Variants in EAF1 observed in about 807,000 individuals in gnomAD.
EAF1 encodes ELL-associated factor 1.
A neutral mutation model predicts 26.6 loss-of-function variants in EAF1; 19 were observed. That is an observed-to-expected ratio of 0.71 (90% confidence interval 0.50 to 1.05). The LOEUF is 1.05. EAF1 is among the 50% of genes least tolerant of loss of function. The probability of loss-of-function intolerance (pLI) is 0.00; values close to 1 mark genes in which losing one functional copy is unlikely to be tolerated. For synonymous variants in EAF1, 102 were observed against 120.6 expected (o/e 0.85, Z 1.01); for missense variants, 260 against 335.5 (o/e 0.78, Z 1.76).
At position 15,427,803 on chromosome 3, in the gene EAF1, G is replaced by C. The variant is rs1449919047; in HGVS notation, c.24G>C (p.Leu8=). 1 of 1,551,324 alleles carries C rather than the reference G, an allele frequency of 6.4e-7. No individual in the cohort carries two copies. Among genetic ancestry groups the C allele is most frequent in the Non-Finnish European group, 8.7e-7 (1 of 1,146,902 alleles). Residue 8 remains leucine, a synonymous_variant, in exon 1 of 6, where the codon CTG becomes CTC. Coordinates refer to ENST00000396842, the MANE Select transcript of EAF1 (RefSeq NM_033083.7). MNGTANP[L]LDREEHCLRL... ...CCATGAATGGGACCGCAAACCCGCT[G>C]CTGGACCGCGAGGAACATTGCCTGA...
At chr3:15,428,468 GT>G (rs893417038) in intron 1 of EAF1, among the ~76,000 whole-genome samples, 2 of 152,108 alleles carry the variant, frequency 1.3e-5, no homozygotes, top group Non-Finnish European at 2.9e-5. Flanking sequence ...TCTCCTTTCT[GT>G]GCTTCATTTG....
chr3:15,442,485 T>G lies in EAF1; in HGVS notation c.*3330T>G, dbSNP rs919475507. ...ATTTTTAAAATCTTGTGCCTAAAAG[T>G]TTTTTTGCTTAATTATGAAGTAGAC... On this transcript the variant is annotated 3_prime_UTR_variant, in exon 6 of 6. Transcript: ENST00000396842. 6.0e-5 allele frequency: 9 copies of G among 150,720 alleles called. No individual in the cohort carries two copies. The highest frequency in any genetic ancestry group is 3.4e-3 in the Middle Eastern group (1 of 294). 9.3% of individuals were successfully genotyped at this position (150,720 alleles called of 1,614,324 possible). A position where few individuals can be genotyped will look rare whatever the true frequency, so the allele number is the denominator to read the frequency against.
Position 15,432,081 on chromosome 3 carries a change from A to G in EAF1, c.199-6A>G. 1 of 1,612,900 alleles carries G rather than the reference A, an allele frequency of 6.2e-7. No homozygotes were observed. The highest frequency in any genetic ancestry group is 8.5e-7 in the Non-Finnish European group (1 of 1,179,626). ...TTTGATCATCTTATACTTTTGTGGC[A>G]AATAGGGATCCACACCACCCATGAC... is the stretch of plus-strand genomic sequence containing the variant. On this transcript the variant is annotated splice_polypyrimidine_tract_variant and splice_region_variant and intron_variant, in intron 2 of 5. Transcript: ENST00000396842.
rs141622979 is a variant in EAF1 at position 15,429,752 on chromosome 3, G to C, written c.104-161G>C. Among the ~76,000 whole-genome samples the C allele has an allele frequency of 2.5e-3, 383 of 152,296 alleles. 2 individuals are homozygous for C. The highest frequency in any genetic ancestry group is 8.4e-3 in the African/African-American group (351 of 41,560). On this transcript the variant is annotated intron_variant, in intron 1 of 5. Coordinates refer to ENST00000396842, the MANE Select transcript of EAF1 (RefSeq NM_033083.7). The stretch of plus-strand genomic sequence containing the variant: ...ATTGTACGATTCTCTCTACTTTTGT[G>C]TATCTGAAGTTTTCCATAACGAAAC...
chr3:15,437,787 C>A lies in EAF1; in HGVS notation c.760+1212C>A, dbSNP rs2061844130. Among the ~76,000 whole-genome samples the A allele has an allele frequency of 1.3e-5, 2 of 152,014 alleles. 1 individual carries two copies. Among genetic ancestry groups the A allele is most frequent in the Admixed American group, 1.3e-4 (2 of 15,258 alleles). On this transcript the variant is annotated intron_variant, in intron 5 of 5. Transcript: ENST00000396842. Reference sequence around the variant, plus strand: ...AGTGGGGAAGTTAACCTAGTTAATCCAACTATTGTGGACCAGGCAGAGATA... The same window carrying A: ...AGTGGGGAAGTTAACCTAGTTAATCAAACTATTGTGGACCAGGCAGAGATA...
rs2061857570 is a variant in EAF1, at chr3:15,440,248, CACT to C, written c.*1094_*1096del. Reference sequence around the variant, plus strand: ...GGCGTATCTATTCATGCTTTTGTACCACTGTTTTGTACCTGACTCCCTGACCGA... The same window carrying C: ...GGCGTATCTATTCATGCTTTTGTACCGTTTTGTACCTGACTCCCTGACCGA... On this transcript the variant is annotated 3_prime_UTR_variant, in exon 6 of 6. Coordinates refer to ENST00000396842, the MANE Select transcript of EAF1 (RefSeq NM_033083.7). 1 of 152,072 alleles carries C rather than the reference CACT, an allele frequency of 6.6e-6. No homozygotes were observed. The highest frequency in any genetic ancestry group is 6.6e-5 in the Admixed American group (1 of 15,264). 9.4% of individuals were successfully genotyped at this position (152,072 alleles called of 1,614,324 possible).
chr3:15,433,007 G>A (rs2061811213), intron 3 of EAF1: 1 of 150,876 alleles, frequency 6.6e-6, no homozygotes, highest in Non-Finnish European at 1.5e-5. Flanking sequence ...TTTATTGAGG[G>A]GGTATCATGT....
Position 15,442,362 on chromosome 3 carries a change from A to G in EAF1, c.*3207A>G, listed in dbSNP as rs957124162. 2 of 152,590 alleles carry G rather than the reference A, an allele frequency of 1.3e-5. No individual in the cohort carries two copies. Among genetic ancestry groups the G allele is most frequent in the Admixed American group, 1.3e-4 (2 of 15,272 alleles). 9.5% of individuals were successfully genotyped at this position (152,590 alleles called of 1,614,324 possible). On this transcript the variant is annotated 3_prime_UTR_variant, in exon 6 of 6. Coordinates refer to ENST00000396842, the MANE Select transcript of EAF1 (RefSeq NM_033083.7). ...GTAGGATTTCTGAAACTCAGGCCTT[A>G]ACCAATAGGTTGGAAGACAAGACCA... is the stretch of plus-strand genomic sequence containing the variant.
rs903760619 is a variant in EAF1 at position 15,439,807 on chromosome 3, T to C, written c.*652T>C. Reference sequence around the variant, plus strand: ...GTACACACCTGGCTTGTGGCCAGTCTCCTGCCCCCTCTCTGGGCTTTCCTC... The same window carrying C: ...GTACACACCTGGCTTGTGGCCAGTCCCCTGCCCCCTCTCTGGGCTTTCCTC... On this transcript the variant is annotated 3_prime_UTR_variant, in exon 6 of 6. Transcript: ENST00000396842. The C allele has an allele frequency of 6.6e-6, 1 of 152,282 alleles. No homozygotes were observed. Among genetic ancestry groups the C allele is most frequent in the Non-Finnish European group, 1.5e-5 (1 of 68,094 alleles). The allele number at this position is 152,282 out of a possible 1,614,324, so 9.4% of individuals were successfully genotyped here. A position where few individuals can be genotyped will look rare whatever the true frequency, so the allele number is the denominator to read the frequency against.
At chr3:15,431,790 T>A (rs1340831081) in intron 2 of EAF1, among the ~76,000 whole-genome samples, 1 of 152,224 alleles carries the variant, frequency 6.6e-6, no homozygotes, top group Admixed American at 6.5e-5. Flanking sequence ...TAACTCTGCT[T>A]AGTATAATGA....
chr3:15,431,848 CTT>C (rs1194810396), intron 2 of EAF1, among the ~76,000 whole-genome samples: 4 of 152,194 alleles, frequency 2.6e-5, no homozygotes, highest in Non-Finnish European at 5.9e-5. Context: ...GTAATTAAAA[CTT>C]TTATACTACC....
Position 15,440,156 on chromosome 3 carries a change from G to GT in EAF1, c.*1002dup, listed in dbSNP as rs1188856248. 9.2e-5 allele frequency: 14 copies of GT among 152,224 alleles called. No individual in the cohort carries two copies. Among genetic ancestry groups the GT allele is most frequent in the African/African-American group, 3.4e-4 (14 of 41,462 alleles). 9.4% of individuals were successfully genotyped at this position (152,224 alleles called of 1,614,324 possible). A position where few individuals can be genotyped will look rare whatever the true frequency, so the allele number is the denominator to read the frequency against. ...ACCTCTCCGAACAAATGAACCAGCA[G>GT]TAAGTTTCTAAAAATCAGAATCTAG... On this transcript the variant is annotated 3_prime_UTR_variant, in exon 6 of 6. Coordinates refer to ENST00000396842, the MANE Select transcript of EAF1 (RefSeq NM_033083.7).
chr3:15,427,751 C>A lies in EAF1; in HGVS notation c.-29C>A, dbSNP rs372062063. The A allele has an allele frequency of 7.8e-6, 12 of 1,548,030 alleles. No homozygotes were observed. The highest frequency in any genetic ancestry group is 1.4e-5 in the African/African-American group (1 of 72,974). ...GATCGCGGCTGCACCGGGAGAGCGC[C>A]GATCTGGGTGCGAGGCAGGTGCGGG... On this transcript the variant is annotated 5_prime_UTR_variant, in exon 1 of 6. Coordinates refer to ENST00000396842, the MANE Select transcript of EAF1 (RefSeq NM_033083.7).
At chr3:15,429,799 T>G in intron 1 of EAF1, 114 bp from the exon 2 acceptor site, 1 of 713,408 alleles carries the variant, frequency 1.4e-6, no homozygotes, top group Admixed American at 2.7e-5. Context: ...AATTCTAAAT[T>G]ATTTTTATTT....
intron 3 of EAF1, among the ~76,000 whole-genome samples, chr3:15,432,609 A>G (rs2061808404): frequency 6.6e-6 from 1 of 152,180 alleles, no homozygotes; most frequent in African/African-American, 2.4e-5. Context: ...TTTTTACAAG[A>G]TACATTTGAG....
At chr3:15,432,441 T>G (rs538299182) in intron 3 of EAF1, among the ~76,000 whole-genome samples, 2 of 152,198 alleles carry the variant, frequency 1.3e-5, no homozygotes. Flanking sequence ...ACCTAAAACA[T>G]GGGAACCATT....
intron 3 of EAF1, 21 bp from the exon 4 acceptor site, chr3:15,434,327 A>G: frequency 6.2e-7 from 1 of 1,606,252 alleles, no homozygotes; most frequent in South Asian, 1.1e-5. Flanking sequence ...CTGCTAATTT[A>G]ATGTCTGTAT....
intron 1 of EAF1, 97 bp from the exon 2 acceptor site, chr3:15,429,816 C>T: frequency 1.3e-6 from 1 of 762,634 alleles, no homozygotes; most frequent in East Asian, 2.7e-5. Flanking sequence ...ATTTTCCATT[C>T]ATCTGAGTAA....
intron 3 of EAF1, among the ~76,000 whole-genome samples, chr3:15,432,917 C>T (rs181050412): frequency 1.3e-5 from 2 of 151,638 alleles, no homozygotes; most frequent in African/African-American, 4.8e-5. Flanking sequence ...TAAAGATTGT[C>T]ACAACCTGAT....
Sources: allele counts gnomAD v4.1 joint callset (sites outside exome capture counted in the v4.1 genomes callset), GRCh38; gene constraint gnomAD v4.1.1; transcripts MANE v1.5; gene names NCBI Gene and HGNC (gene_info 2026-07-23, HGNC 2026-07-21).